The following PRSS3 variants were observed in gnomAD, a reference collection of about 807,000 sequenced individuals.
The protein encoded by PRSS3 is trypsin-3.
A neutral mutation model predicts 20.8 loss-of-function variants in PRSS3; 14 were observed. The ratio of observed to expected loss-of-function variants is 0.67; its 90% confidence interval spans 0.44 to 1.05. The LOEUF (loss-of-function observed/expected upper bound fraction) is 1.05. Among genes scored for constraint, PRSS3 ranks in the 50% least tolerant of loss-of-function variants. PRSS3 has a pLI of 0.00. For synonymous variants in PRSS3, 91 were observed against 117.6 expected, an observed-to-expected ratio of 0.77 and a Z score of 1.46; for missense variants, 237 against 306.4, an observed-to-expected ratio of 0.77 and a Z score of 1.69.
At chr9:33,784,181 G>GTTTTGTT (rs978532991) in intron 1 of PRSS3, among the ~76,000 whole-genome samples, 3 of 152,116 alleles carry the variant, frequency 2.0e-5, no homozygotes, top group Non-Finnish European at 4.4e-5. Context: ...TATGTTTGCA[G>GTTTTGTT]TTTTGTTTTT....
chr9:33,776,172 A>T (rs1267904350), intron 1 of PRSS3, among the ~76,000 whole-genome samples: 1 of 152,254 alleles, frequency 6.6e-6, no homozygotes, highest in Admixed American at 6.5e-5. Flanking sequence ...GATGGGCTCA[A>T]TAGCAGATTT....
intron 1 of PRSS3, among the ~76,000 whole-genome samples, chr9:33,782,206 G>A (rs1423944881): frequency 1.3e-5 from 2 of 152,180 alleles, no homozygotes; most frequent in Non-Finnish European, 2.9e-5. Flanking sequence ...ACCCATGTCT[G>A]CACTAATCCA....
chr9:33,793,641 C>T (rs1824743817), upstream of PRSS3: 22 of 951,898 alleles, frequency 2.3e-5, no homozygotes, highest in Non-Finnish European at 2.8e-5. Flanking sequence ...CTGCCTTGAT[C>T]CTCAATAAAT....
intron 1 of PRSS3, among the ~76,000 whole-genome samples, chr9:33,755,046 G>A (rs961239421): frequency 2.0e-5 from 3 of 152,120 alleles, no homozygotes; most frequent in African/African-American, 7.2e-5. Flanking sequence ...TTAAATGGTA[G>A]AGTGCAAGGA....
intron 1 of PRSS3, among the ~76,000 whole-genome samples, chr9:33,773,809 A>C (rs1823807314): frequency 1.3e-5 from 2 of 149,670 alleles, no homozygotes; most frequent in Non-Finnish European, 3.0e-5. Context: ...TGCCCAGCTA[A>C]TTTATTTTTA....
intron 1 of PRSS3, chr9:33,786,189 C>T (rs980207681): frequency 2.1e-5 from 10 of 479,368 alleles, no homozygotes; most frequent in Non-Finnish European, 3.7e-5. Flanking sequence ...CTTCTTAGTG[C>T]CTTTTCTCAG....
chr9:33,774,449 T>A (rs781079901), intron 1 of PRSS3, among the ~76,000 whole-genome samples: 15 of 152,184 alleles, frequency 9.9e-5, no homozygotes, highest in Admixed American at 5.9e-4. Flanking sequence ...GACAAGCCGG[T>A]ATCAAGTACA....
chr9:33,761,007 C>A (rs921018662), intron 1 of PRSS3, among the ~76,000 whole-genome samples: 4 of 152,208 alleles, frequency 2.6e-5, no homozygotes, highest in Non-Finnish European at 4.4e-5. Flanking sequence ...GAGGCCTACC[C>A]AGTTTCTCAG....
intron 1 of PRSS3, among the ~76,000 whole-genome samples, chr9:33,776,990 A>G (rs1428298874): frequency 6.6e-6 from 1 of 152,304 alleles, no homozygotes; most frequent in Admixed American, 6.5e-5. Flanking sequence ...AAACCTACCT[A>G]GGCACATCAC....
intron 1 of PRSS3, among the ~76,000 whole-genome samples, chr9:33,757,636 A>G (rs928927407): frequency 2.6e-5 from 4 of 152,148 alleles, no homozygotes; most frequent in Admixed American, 2.0e-4. Context: ...TTCTTAGGCG[A>G]CTTCAACAAA....
At position 33,771,196 on chromosome 9, in the gene PRSS3, C is replaced by G. The variant is rs1002019897; in HGVS notation, c.-53+20469C>G. Among the ~76,000 whole-genome samples the G allele has an allele frequency of 2.0e-5, 3 of 152,128 alleles. No homozygotes were observed. In the East Asian group the frequency reaches 5.8e-4, roughly 29 times the overall value. ...GCCTTCTTTCTTTGTTATTGAAATC[C>G]CACTTACTCCCTCTTAGAGCATGTT... is the stretch of plus-strand genomic sequence containing the variant. On this transcript the variant is annotated intron_variant, in intron 1 of 5. Coordinates refer to the PRSS3 transcript ENST00000342836.
intron 1 of PRSS3, among the ~76,000 whole-genome samples, chr9:33,784,561 C>T (rs1824307764): frequency 6.6e-6 from 1 of 152,156 alleles, no homozygotes; most frequent in African/African-American, 2.4e-5. Flanking sequence ...TTGTTTTTCA[C>T]AATTCTATTT....
Position 33,769,441 on chromosome 9 carries a change from C to T in PRSS3, c.-53+18714C>T, listed in dbSNP as rs534092593. 4.6e-5 allele frequency among the ~76,000 whole-genome samples: 7 copies of T among 152,264 alleles called. No individual in the cohort carries two copies. In the East Asian group the frequency reaches 1.4e-3, roughly 29 times the overall value. The stretch of plus-strand genomic sequence containing the variant: ...GCCCTCTTGTCAAATGGCCTCGCCC[C>T]CTATGGATTGCATAGGAGGCCAACA... On this transcript the variant is annotated intron_variant, in intron 1 of 5. Coordinates refer to the PRSS3 transcript ENST00000342836.
intron 1 of PRSS3, among the ~76,000 whole-genome samples, chr9:33,778,864 C>T (rs1335434086): frequency 6.6e-6 from 1 of 152,164 alleles, no homozygotes; most frequent in Non-Finnish European, 1.5e-5. Context: ...TCAGAGCATG[C>T]CTGTGAACAA....
intron 1 of PRSS3, among the ~76,000 whole-genome samples, chr9:33,776,478 C>G (rs899385993): frequency 2.0e-5 from 3 of 152,122 alleles, no homozygotes; most frequent in Non-Finnish European, 2.9e-5. Context: ...TTCCTGTGTT[C>G]AAATTCTATT....
At chr9:33,788,111 C>T (rs1438267635) in intron 1 of PRSS3, among the ~76,000 whole-genome samples, 2 of 152,214 alleles carry the variant, frequency 1.3e-5, no homozygotes, top group Non-Finnish European at 2.9e-5. Flanking sequence ...CTAGAAGGGA[C>T]TGGAACAGAG....
chr9:33,761,262 A>G (rs1204967068), intron 1 of PRSS3, among the ~76,000 whole-genome samples: 6 of 152,238 alleles, frequency 3.9e-5, no homozygotes, highest in Non-Finnish European at 8.8e-5. Flanking sequence ...ACGCACTGTT[A>G]GCAGATGCTG....
intron 1 of PRSS3, among the ~76,000 whole-genome samples, chr9:33,753,023 A>G (rs1020087213): frequency 1.3e-5 from 2 of 152,360 alleles, no homozygotes; most frequent in African/African-American, 4.8e-5. Flanking sequence ...AAATGAGGAG[A>G]TGGAAACAGA....
At position 33,755,848 on chromosome 9, in the gene PRSS3, G is replaced by C. The variant is rs536134737; in HGVS notation, c.-53+5121G>C. Among the ~76,000 whole-genome samples the C allele has an allele frequency of 1.1e-3, 164 of 152,284 alleles. 1 individual carries two copies. Among genetic ancestry groups the C allele is most frequent in the African/African-American group, 3.6e-3 (151 of 41,554 alleles). On this transcript the variant is annotated intron_variant, in intron 1 of 5. Transcript: ENST00000342836. The stretch of plus-strand genomic sequence containing the variant: ...GGAAAAGCCAGGCTGCCATCAAGAA[G>C]CATTTGGGGTAAATTTTCTAAGCAC...
Sources: allele counts gnomAD v4.1 joint callset (sites outside exome capture counted in the v4.1 genomes callset), GRCh38; gene constraint gnomAD v4.1.1; transcripts MANE v1.5; gene names NCBI Gene and HGNC (gene_info 2026-07-23, HGNC 2026-07-21).